Variants in P2RY8 observed in about 807,000 individuals in gnomAD.
P2RY8 encodes the protein P2Y receptor family member 8, also known as S-geranylgeranyl-glutathione receptor P2RY8.
Under a neutral mutation model 10.0 loss-of-function variants are expected in P2RY8, and 6 were observed. The observed-to-expected ratio is 0.60, with a 90% confidence interval of 0.33 to 1.19. P2RY8 has a LOEUF of 1.19. P2RY8 is among the 50% of genes most tolerant of loss of function. P2RY8 has a pLI of 0.04. For missense variants in P2RY8, 456 were observed against 542.0 expected (o/e 0.84, Z 1.58); for synonymous variants, 276 against 252.5 (o/e 1.09, Z -0.88).
At chrX:1,502,034 T>C (rs1202209745) in intron 1 of P2RY8, among the ~76,000 whole-genome samples, 12 of 152,172 alleles carry the variant, frequency 7.9e-5, no homozygotes, top group Admixed American at 4.6e-4. Flanking sequence ...CCTCGGCCTC[T>C]TGAATATCTG....
chrX:1,507,017 C>A (rs112890715), intron 1 of P2RY8, among the ~76,000 whole-genome samples: 3 of 84,532 alleles, frequency 3.5e-5, no homozygotes, highest in African/African-American at 8.9e-5. Context: ...TGGACGGGTC[C>A]TAGGAGTCCA....
chrX:1,512,188 G>A (rs1188690327), intron 1 of P2RY8, among the ~76,000 whole-genome samples: 1 of 152,116 alleles, frequency 6.6e-6, no homozygotes, highest in Non-Finnish European at 1.5e-5. Flanking sequence ...CAGTCCTGGA[G>A]GTGAAGAGTC....
At chrX:1,532,724 G>A (rs745911591) in intron 1 of P2RY8, among the ~76,000 whole-genome samples, 9 of 152,020 alleles carry the variant, frequency 5.9e-5, no homozygotes, top group South Asian at 2.1e-4. Flanking sequence ...CACAACGGCC[G>A]GATGCGGTGG....
Position 1,516,280 on chromosome X carries a change from T to C in P2RY8, c.-25+20641A>G, listed in dbSNP as rs191467200. On this transcript the variant is annotated intron_variant, in intron 1 of 1. Coordinates refer to ENST00000381297, the MANE Select transcript of P2RY8 (RefSeq NM_178129.5). ...CTCCCTCCTTCTCTCCCTCCCTCCA[T>C]TCCTCCCTTCTTCACCCCTCTCCCA... Among the ~76,000 whole-genome samples, 724 of 115,628 alleles carry C rather than the reference T, an allele frequency of 6.3e-3. 2 individuals carry two copies. The highest frequency in any genetic ancestry group is 0.022 in the African/African-American group (698 of 32,278). 75.9% of individuals were successfully genotyped at this position (115,628 alleles called of 152,430 possible).
chrX:1,513,418 A>G (rs1325605676), intron 1 of P2RY8, among the ~76,000 whole-genome samples: 1 of 152,148 alleles, frequency 6.6e-6, no homozygotes, highest in African/African-American at 2.4e-5. Flanking sequence ...TGGAGGCTCT[A>G]GGGGAGGATC....
At position 1,465,857 on chromosome X, in the gene P2RY8, G is replaced by A. The variant is rs749106811; in HGVS notation, c.702C>T (p.Arg234=). 2.7e-5 allele frequency: 44 copies of A among 1,612,450 alleles called. No homozygotes were observed. Among genetic ancestry groups the A allele is most frequent in the Non-Finnish European group, 3.6e-5 (43 of 1,179,652 alleles). Residue 234 remains arginine, a synonymous_variant, in exon 2 of 2, where the codon CGC becomes CGT. Coordinates refer to ENST00000381297, the MANE Select transcript of P2RY8 (RefSeq NM_178129.5). ...AGACCACCGCGGCCAGGCCCACCGC[G>A]CGCCTCCGCTGCTCCCGGCCGTGCG... ...EEAHGREQRR[R]AVGLAAVVLL... is the part of the protein sequence containing the mutation.
At chrX:1,522,515 G>T (rs1241621909) in intron 1 of P2RY8, among the ~76,000 whole-genome samples, 1 of 152,206 alleles carries the variant, frequency 6.6e-6, no homozygotes. Context: ...ACACTGGCCA[G>T]GCACGTTGTC....
chrX:1,498,819 C>T (rs1181603565), intron 1 of P2RY8, among the ~76,000 whole-genome samples: 6 of 151,004 alleles, frequency 4.0e-5, no homozygotes, highest in Admixed American at 2.6e-4. Context: ...ATGACAGGTG[C>T]GAACCACCGC....
At chrX:1,471,537 C>T (rs1762827723) in intron 1 of P2RY8, among the ~76,000 whole-genome samples, 1 of 150,992 alleles carries the variant, frequency 6.6e-6, no homozygotes, top group Admixed American at 6.6e-5. Context: ...AAACTCCTGA[C>T]CTCCCATGAT....
chrX:1,532,382 G>GTATATACACACATA lies in P2RY8; in HGVS notation c.-25+4538_-25+4539insTATGTGTGTATATA, dbSNP rs1318885360. Among the ~76,000 whole-genome samples the GTATATACACACATA allele has an allele frequency of 1.1e-3, 158 of 148,990 alleles. 3 individuals are homozygous for GTATATACACACATA. Among genetic ancestry groups the GTATATACACACATA allele is most frequent in the Middle Eastern group, 3.5e-3 (1 of 286 alleles). On this transcript the variant is annotated intron_variant, in intron 1 of 1. Coordinates refer to ENST00000381297, the MANE Select transcript of P2RY8 (RefSeq NM_178129.5). The stretch of plus-strand genomic sequence containing the variant: ...ATATACACATATACGTATATGATGT[G>GTATATACACACATA]TGTATATGCACATATATGTATATAT...
intron 1 of P2RY8, among the ~76,000 whole-genome samples, chrX:1,472,295 A>T (rs1159316718): frequency 4.0e-5 from 6 of 151,746 alleles, no homozygotes; most frequent in Middle Eastern, 3.2e-3. Flanking sequence ...TTAGGCACAG[A>T]CACAGAGAGA....
intron 1 of P2RY8, among the ~76,000 whole-genome samples, chrX:1,481,036 C>A (rs1175866546): frequency 6.6e-6 from 1 of 152,006 alleles, no homozygotes; most frequent in African/African-American, 2.4e-5. Flanking sequence ...CGAGACATGC[C>A]GGCCGACAGG....
chrX:1,525,749 T>C (rs1285703770), intron 1 of P2RY8, among the ~76,000 whole-genome samples: 1 of 152,064 alleles, frequency 6.6e-6, no homozygotes, highest in East Asian at 1.9e-4. Context: ...TCATTCCTTA[T>C]CCATCCACTC....
At chrX:1,494,851 C>A (rs748660334) in intron 1 of P2RY8, among the ~76,000 whole-genome samples, 1 of 149,312 alleles carries the variant, frequency 6.7e-6, no homozygotes, top group East Asian at 2.0e-4. Context: ...GACAGGCATA[C>A]ATCACCACAC....
chrX:1,509,549 AT>A (rs2092277296), intron 1 of P2RY8, among the ~76,000 whole-genome samples: 3 of 128,448 alleles, frequency 2.3e-5, no homozygotes, highest in African/African-American at 1.0e-4. Flanking sequence ...CCATCCATCT[AT>A]TCTATCATCT....
chrX:1,497,298 T>A lies in P2RY8; in HGVS notation c.-24-30716A>T, dbSNP rs185283125. ...AGAGAGAGATCAATGTTTTTTTTTT[T>A]AAATAGCATGTTAATTAGGGTTTTC... On this transcript the variant is annotated intron_variant, in intron 1 of 1. Transcript: ENST00000381297. Among the ~76,000 whole-genome samples the A allele has an allele frequency of 1.6e-3, 236 of 150,782 alleles. 5 individuals are homozygous for A. The highest frequency in any genetic ancestry group is 0.014 in the Admixed American group (204 of 15,098).
At chrX:1,509,158 CCATTCTAT>C (rs2092269094) in intron 1 of P2RY8, among the ~76,000 whole-genome samples, 5 of 111,926 alleles carry the variant, frequency 4.5e-5, no homozygotes, top group Admixed American at 1.8e-4. Flanking sequence ...ATGTATCCAT[CCATTCTAT>C]CTATCTATCT....
chrX:1,526,831 A>T (rs2092443281), intron 1 of P2RY8, among the ~76,000 whole-genome samples: 1 of 152,106 alleles, frequency 6.6e-6, no homozygotes, highest in East Asian at 1.9e-4. Flanking sequence ...TCATTTACCC[A>T]CGCATTCATT....
At chrX:1,517,854 AT>A (rs2092361891) in intron 1 of P2RY8, among the ~76,000 whole-genome samples, 1 of 152,154 alleles carries the variant, frequency 6.6e-6, no homozygotes, top group Non-Finnish European at 1.5e-5. Context: ...CACGCCTGTC[AT>A]TCCAGCGCTT....
Sources: allele counts gnomAD v4.1 joint callset (sites outside exome capture counted in the v4.1 genomes callset), GRCh38; gene constraint gnomAD v4.1.1; transcripts MANE v1.5; gene names NCBI Gene and HGNC (gene_info 2026-07-23, HGNC 2026-07-21).